CDH2: variants seen among roughly 807,000 people sequenced by gnomAD.
CDH2 encodes cadherin 2.
CDH2 carries 17 observed loss-of-function variants against 92.0 expected under a neutral mutation model. The observed-to-expected ratio is 0.18, with a 90% CI of 0.13 to 0.28. The LOEUF (loss-of-function observed/expected upper bound fraction) is 0.28. Among genes scored for constraint, CDH2 ranks in the 10% least tolerant of loss-of-function variants. The pLI is 1.00. For synonymous variants in CDH2, 419 were observed against 415.9 expected (o/e 1.01, Z -0.09); for missense variants, 862 against 1,133.1 (o/e 0.76, Z 3.44).
rs137931512 is a variant in CDH2 at position 27,981,132 on chromosome 18, T to C, written c.2349+1812A>G. On this transcript the variant is annotated intron_variant, in intron 14 of 15. Transcript: ENST00000269141. ...TCTGAGCCTCCAATTTTGGGCAGCATCCAGTTACTACCGGTGGTCTTACAG... is the reference window on the plus strand; with the variant it reads ...TCTGAGCCTCCAATTTTGGGCAGCACCCAGTTACTACCGGTGGTCTTACAG... 2.6e-5 allele frequency among the ~76,000 whole-genome samples: 4 copies of C among 152,280 alleles called. No individual in the cohort carries two copies. The East Asian group carries it at 7.7e-4, about 29-fold the overall frequency.
Position 28,099,447 on chromosome 18 carries a change from T to C in CDH2, c.172+48226A>G, listed in dbSNP as rs374907839. ...ACAATTCATTTCCAAAACAATGATG[T>C]CATATCTTACATTTTATGTTTGTAG... is the stretch of plus-strand genomic sequence containing the variant. On this transcript the variant is annotated intron_variant, in intron 2 of 15. Coordinates refer to ENST00000269141, the MANE Select transcript of CDH2 (RefSeq NM_001792.5). Among the ~76,000 whole-genome samples, 4 of 152,154 alleles carry C rather than the reference T, an allele frequency of 2.6e-5. No individual in the cohort carries two copies. In the East Asian group the frequency reaches 7.7e-4, roughly 29 times the overall value.
At chr18:28,059,855 T>C (rs571670954) in intron 2 of CDH2, among the ~76,000 whole-genome samples, 1 of 152,358 alleles carries the variant, frequency 6.6e-6, no homozygotes, top group South Asian at 2.1e-4. Flanking sequence ...TCTTCTTTAA[T>C]CTATGTATTC....
At chr18:28,037,728 A>T (rs1356635737) in intron 2 of CDH2, among the ~76,000 whole-genome samples, 14 of 152,196 alleles carry the variant, frequency 9.2e-5, no homozygotes, top group Non-Finnish European at 2.1e-4. Context: ...TTGGTAGACA[A>T]GTGTCAAACA....
intron 14 of CDH2, among the ~76,000 whole-genome samples, chr18:27,973,274 A>G (rs1461598738): frequency 6.6e-6 from 1 of 152,184 alleles, no homozygotes; most frequent in Non-Finnish European, 1.5e-5. Context: ...TCATATGGTA[A>G]TTATATCTAG....
chr18:27,956,974 A>G (rs2011262005), intron 15 of CDH2, among the ~76,000 whole-genome samples: 1 of 152,178 alleles, frequency 6.6e-6, no homozygotes, highest in Non-Finnish European at 1.5e-5. Context: ...TTTCTGTTTC[A>G]GCTATTCTCA....
At chr18:27,974,292 C>T (rs1295890694) in intron 14 of CDH2, among the ~76,000 whole-genome samples, 2 of 152,202 alleles carry the variant, frequency 1.3e-5, no homozygotes, top group African/African-American at 4.8e-5. Flanking sequence ...TGGTCTGGTA[C>T]AAAGAATAAA....
intron 15 of CDH2, among the ~76,000 whole-genome samples, chr18:27,962,519 T>C (rs577524592): frequency 1.3e-5 from 2 of 152,344 alleles, no homozygotes; most frequent in African/African-American, 4.8e-5. Flanking sequence ...ATCCAACAGA[T>C]GCATTCCACT....
At chr18:28,130,896 C>T (rs1243081741) in intron 2 of CDH2, among the ~76,000 whole-genome samples, 2 of 152,066 alleles carry the variant, frequency 1.3e-5, no homozygotes, top group African/African-American at 2.4e-5. Context: ...TGATGAGGTA[C>T]CCTTGAAAAA....
chr18:28,160,914 T>C (rs1023172449), intron 1 of CDH2, among the ~76,000 whole-genome samples: 5 of 152,212 alleles, frequency 3.3e-5, no homozygotes, highest in African/African-American at 9.6e-5. Flanking sequence ...TCTGAGATAC[T>C]GTCACCTAGC....
At chr18:28,122,982 A>T (rs1421644517) in intron 2 of CDH2, among the ~76,000 whole-genome samples, 1 of 152,106 alleles carries the variant, frequency 6.6e-6, no homozygotes, top group African/African-American at 2.4e-5. Flanking sequence ...TCATGATGAA[A>T]GTTTGTGAAA....
At chr18:28,172,382 T>TA (rs1248560481) in intron 1 of CDH2, among the ~76,000 whole-genome samples, 4 of 152,182 alleles carry the variant, frequency 2.6e-5, no homozygotes, top group African/African-American at 9.7e-5. Flanking sequence ...AACATTAATA[T>TA]GTATATACCT....
chr18:27,963,717 T>C (rs1187103086), intron 14 of CDH2, 196 bp from the exon 15 acceptor site: 1 of 565,620 alleles, frequency 1.8e-6, no homozygotes, highest in Non-Finnish European at 3.1e-6. Flanking sequence ...GCTTTTCATT[T>C]CTACAGTCTG....
chr18:28,049,171 G>A (rs1171135844), intron 2 of CDH2, among the ~76,000 whole-genome samples: 1 of 152,118 alleles, frequency 6.6e-6, no homozygotes, highest in Non-Finnish European at 1.5e-5. Context: ...TTGGGGTCAT[G>A]TGGAGGTAAA....
chr18:27,959,392 C>A (rs966645528), intron 15 of CDH2: 2 of 152,222 alleles, frequency 1.3e-5, no homozygotes, highest in African/African-American at 4.8e-5. Flanking sequence ...CAATTATAAT[C>A]ACCACTATAT....
intron 15 of CDH2, chr18:27,959,541 C>T (rs898434903): frequency 6.6e-6 from 1 of 152,134 alleles, no homozygotes; most frequent in African/African-American, 2.4e-5. Flanking sequence ...TAAAACTCTA[C>T]AAGTAAGTAT....
chr18:28,110,904 G>A (rs759961070), intron 2 of CDH2, among the ~76,000 whole-genome samples: 1 of 151,988 alleles, frequency 6.6e-6, no homozygotes, highest in African/African-American at 2.4e-5. Flanking sequence ...GCCAAGCCAC[G>A]CTCTCTCCGG....
At chr18:28,133,533 G>C (rs911728604) in intron 2 of CDH2, among the ~76,000 whole-genome samples, 3 of 132,344 alleles carry the variant, frequency 2.3e-5, no homozygotes, top group Non-Finnish European at 4.6e-5. Context: ...AGTGAGCCGA[G>C]ATTGCGCCAC....
chr18:28,160,232 G>A (rs953140773), intron 1 of CDH2, among the ~76,000 whole-genome samples: 3 of 152,032 alleles, frequency 2.0e-5, no homozygotes, highest in South Asian at 2.1e-4. Flanking sequence ...GAGGCAGGAT[G>A]CACAGCGACC....
At chr18:28,153,969 A>G (rs1388912223) in intron 1 of CDH2, among the ~76,000 whole-genome samples, 1 of 152,168 alleles carries the variant, frequency 6.6e-6, no homozygotes, top group Non-Finnish European at 1.5e-5. Flanking sequence ...CCCAAGACTC[A>G]TTAAAACAGA....
Sources: gnomAD v4.1 joint callset for allele counts (sites outside exome capture counted in the v4.1 genomes callset) on GRCh38, gnomAD v4.1.1 for gene constraint, MANE v1.5 for transcripts, NCBI Gene and HGNC (gene_info 2026-07-23, HGNC 2026-07-21) for gene names.